FANCC: variants seen among roughly 807,000 people sequenced by gnomAD.
FANCC encodes the protein Fanconi anemia group C protein.
In FANCC, 55 loss-of-function variants were observed where a neutral mutation model predicts 71.3. The observed-to-expected ratio is 0.77, with a 90% CI of 0.62 to 0.97. The LOEUF (loss-of-function observed/expected upper bound fraction) is 0.97. Ranked by LOEUF, FANCC falls within the 50% of genes least tolerant of loss-of-function variation. The pLI is 0.00. For synonymous variants in FANCC, 275 were observed against 244.9 expected (o/e 1.12, Z -1.15); for missense variants, 678 against 670.9 (o/e 1.01, Z -0.12).
intron 4 of FANCC, among the ~76,000 whole-genome samples, chr9:95,201,210 ATTTT>A (rs985447358): frequency 6.7e-6 from 1 of 148,932 alleles, no homozygotes; most frequent in African/African-American, 2.5e-5. Flanking sequence ...AATAAAAAAA[ATTTT>A]TTTTTTTGCA....
intron 4 of FANCC, among the ~76,000 whole-genome samples, chr9:95,197,464 G>A (rs185802992): frequency 6.6e-6 from 1 of 152,280 alleles, no homozygotes; most frequent in East Asian, 1.9e-4. Context: ...GCTTGGGTCT[G>A]GGAGGTCAAG....
intron 4 of FANCC, among the ~76,000 whole-genome samples, chr9:95,198,576 A>G (rs1486684595): frequency 6.6e-6 from 1 of 152,208 alleles, no homozygotes; most frequent in Non-Finnish European, 1.5e-5. Context: ...CCTGGAAGGC[A>G]AGGCCACATG....
At chr9:95,250,680 T>C (rs1203786426) in intron 1 of FANCC, among the ~76,000 whole-genome samples, 1 of 152,226 alleles carries the variant, frequency 6.6e-6, no homozygotes, top group African/African-American at 2.4e-5. Flanking sequence ...CAAGCTATCA[T>C]CACCACCTGT....
chr9:95,275,602 T>C (rs1012620025), intron 1 of FANCC, among the ~76,000 whole-genome samples: 5 of 152,168 alleles, frequency 3.3e-5, no homozygotes, highest in African/African-American at 1.2e-4. Flanking sequence ...GCATGGGGTA[T>C]AGAGGAAATC....
At position 95,160,967 on chromosome 9, in the gene FANCC, A is replaced by G. The variant is rs185136602; in HGVS notation, c.521+10112T>C. Among the ~76,000 whole-genome samples, 398 of 152,222 alleles carry G rather than the reference A, an allele frequency of 2.6e-3. 1 individual carries two copies. Among genetic ancestry groups the G allele is most frequent in the African/African-American group, 9.2e-3 (384 of 41,560 alleles). On this transcript the variant is annotated intron_variant, in intron 6 of 14. Coordinates refer to ENST00000289081, the MANE Select transcript of FANCC (RefSeq NM_000136.3). Reference sequence around the variant, plus strand: ...GTTTTCTAAATATACAATCATGTCAATGATGGAAGAGTTTTTACAATTAAA... The same window carrying G: ...GTTTTCTAAATATACAATCATGTCAGTGATGGAAGAGTTTTTACAATTAAA...
intron 7 of FANCC, among the ~76,000 whole-genome samples, chr9:95,135,789 C>T (rs762838910): frequency 5.3e-5 from 8 of 152,118 alleles, no homozygotes; most frequent in Non-Finnish European, 1.0e-4. Context: ...AAAGAGGGAG[C>T]GATAAAAAAC....
At chr9:95,183,241 C>T (rs1209737599) in intron 4 of FANCC, among the ~76,000 whole-genome samples, 1 of 152,234 alleles carries the variant, frequency 6.6e-6, no homozygotes, top group East Asian at 1.9e-4. Flanking sequence ...GTTCTGGAGT[C>T]TCTGTGGTTC....
intron 9 of FANCC, among the ~76,000 whole-genome samples, 161 bp from the exon 10 acceptor site, chr9:95,125,346 A>C (rs1805526237): frequency 6.6e-6 from 1 of 152,176 alleles, no homozygotes; most frequent in Non-Finnish European, 1.5e-5. Context: ...AAACAGGATA[A>C]ATTTGTCGCT....
At chr9:95,270,797 A>T (rs1564815004) in intron 1 of FANCC, among the ~76,000 whole-genome samples, 1 of 152,244 alleles carries the variant, frequency 6.6e-6, no homozygotes, top group Non-Finnish European at 1.5e-5. Context: ...CATAATATTG[A>T]GATTTAGTTG....
intron 13 of FANCC, chr9:95,110,483 C>G: frequency 2.9e-6 from 3 of 1,030,500 alleles, no homozygotes; most frequent in Non-Finnish European, 3.5e-6. Context: ...TTTAATCAGA[C>G]AGCAATCCTC....
intron 4 of FANCC, among the ~76,000 whole-genome samples, chr9:95,191,750 T>C (rs561605461): frequency 6.6e-6 from 1 of 152,216 alleles, no homozygotes; most frequent in African/African-American, 2.4e-5. Context: ...CTTCGACTCA[T>C]CCTTCAAATC....
intron 4 of FANCC, among the ~76,000 whole-genome samples, chr9:95,207,053 T>A (rs1371665642): frequency 2.0e-5 from 3 of 152,040 alleles, no homozygotes; most frequent in East Asian, 1.9e-4. Flanking sequence ...GGAGCCAAGA[T>A]AATATCAAGT....
intron 1 of FANCC, among the ~76,000 whole-genome samples, chr9:95,259,974 T>C (rs1831919590): frequency 6.6e-6 from 1 of 152,056 alleles, no homozygotes; most frequent in Admixed American, 6.5e-5. Flanking sequence ...GAAATGCAAA[T>C]CAAAACCACA....
At chr9:95,197,286 C>T (rs904307237) in intron 4 of FANCC, among the ~76,000 whole-genome samples, 17 of 152,170 alleles carry the variant, frequency 1.1e-4, no homozygotes, top group Non-Finnish European at 2.1e-4. Flanking sequence ...CCTGTAATCC[C>T]AGCACCTTGA....
At chr9:95,288,994 G>C (rs1421100911) in intron 1 of FANCC, among the ~76,000 whole-genome samples, 1 of 152,026 alleles carries the variant, frequency 6.6e-6, no homozygotes, top group Non-Finnish European at 1.5e-5. Context: ...CTAGCTGCTT[G>C]GGAGGCTGAG....
chr9:95,231,464 A>AC (rs1481999801), intron 4 of FANCC, among the ~76,000 whole-genome samples: 1 of 152,076 alleles, frequency 6.6e-6, no homozygotes, highest in Non-Finnish European at 1.5e-5. Flanking sequence ...TCCTGTGAGG[A>AC]CCCTGGGATT....
chr9:95,201,092 T>C (rs1418878383), intron 4 of FANCC, among the ~76,000 whole-genome samples: 1 of 152,188 alleles, frequency 6.6e-6, no homozygotes, highest in East Asian at 1.9e-4. Flanking sequence ...AAAATACAAT[T>C]AACAAAAGAG....
intron 1 of FANCC, among the ~76,000 whole-genome samples, chr9:95,303,459 C>G (rs1423370582): frequency 1.3e-5 from 2 of 152,216 alleles, no homozygotes; most frequent in Admixed American, 1.3e-4. Flanking sequence ...CTAGCTTGAC[C>G]TCAACCTGTC....
At chr9:95,251,466 C>A (rs939042506) in intron 1 of FANCC, among the ~76,000 whole-genome samples, 2 of 152,130 alleles carry the variant, frequency 1.3e-5, no homozygotes, top group African/African-American at 4.8e-5. Flanking sequence ...CAGGCACACA[C>A]AACCACGCCC....
Sources: gnomAD v4.1 joint callset for allele counts (sites outside exome capture counted in the v4.1 genomes callset) on GRCh38, gnomAD v4.1.1 for gene constraint, MANE v1.5 for transcripts, NCBI Gene and HGNC (gene_info 2026-07-23, HGNC 2026-07-21) for gene names.